Variants in VPS54 observed in about 807,000 individuals in gnomAD.
The protein encoded by VPS54 is VPS54 subunit of GARP complex.
In VPS54, 45 loss-of-function variants were observed where a neutral mutation model predicts 121.5. The observed-to-expected ratio is 0.37, with a 90% confidence interval of 0.29 to 0.47. The LOEUF (loss-of-function observed/expected upper bound fraction) is 0.47, where lower values mean the gene tolerates loss of function less well. Ranked by LOEUF, VPS54 falls within the 20% of genes least tolerant of loss-of-function variation. The pLI is 0.99. For synonymous variants in VPS54, 371 were observed against 385.8 expected, an observed-to-expected ratio of 0.96 and a Z score of 0.45; for missense variants, 1,090 against 1,131.4, an observed-to-expected ratio of 0.96 and a Z score of 0.52.
intron 2 of VPS54, among the ~76,000 whole-genome samples, chr2:63,982,312 G>C (rs1018614593): frequency 1.3e-5 from 2 of 151,834 alleles, no homozygotes; most frequent in Non-Finnish European, 2.9e-5. Flanking sequence ...GGATCTCCTA[G>C]ATAAAATATC....
chr2:63,913,796 G>C (rs1047056209), intron 17 of VPS54: 17 of 994,830 alleles, frequency 1.7e-5, no homozygotes, highest in Middle Eastern at 4.8e-4. Context: ...CAATGGTTCT[G>C]AAAGAATGAT....
At position 63,892,482 on chromosome 2, in the gene VPS54, T is replaced by C. The variant is rs1672261686; in HGVS notation, c.*948A>G. ...AAAAGTTCTGTTTCTCCCTGGTCTT[T>C]GTTCGTATACACATCGAAAGTAACT... On this transcript the variant is annotated 3_prime_UTR_variant, in exon 23 of 23. Transcript: ENST00000272322. 6.6e-6 allele frequency: 1 copy of C among 152,590 alleles called. No individual in the cohort carries two copies. Among genetic ancestry groups the C allele is most frequent in the African/African-American group, 2.4e-5 (1 of 41,440 alleles). The allele number at this position is 152,590 out of a possible 1,614,324, so 9.5% of individuals were successfully genotyped here.
At chr2:64,015,167 T>A (rs1678621665) in intron 1 of VPS54, among the ~76,000 whole-genome samples, 1 of 152,164 alleles carries the variant, frequency 6.6e-6, no homozygotes, top group Non-Finnish European at 1.5e-5. Flanking sequence ...GACTATATTC[T>A]ATTTACAATT....
At chr2:63,950,010 A>G (rs1675164918) in intron 7 of VPS54, among the ~76,000 whole-genome samples, 1 of 152,096 alleles carries the variant, frequency 6.6e-6, no homozygotes, top group South Asian at 2.1e-4. Context: ...TTGGTTTGAG[A>G]ACACTCATCT....
chr2:63,950,813 G>T (rs1022143293), intron 7 of VPS54, among the ~76,000 whole-genome samples: 7 of 151,722 alleles, frequency 4.6e-5, no homozygotes, highest in Admixed American at 2.6e-4. Context: ...GGGCACTTTT[G>T]TCTGCATTAA....
intron 1 of VPS54, among the ~76,000 whole-genome samples, chr2:64,008,122 G>A (rs1451514572): frequency 1.3e-5 from 2 of 151,956 alleles, no homozygotes; most frequent in Non-Finnish European, 2.9e-5. Context: ...AGATTAAAGA[G>A]GAACAAGAGG....
intron 1 of VPS54, among the ~76,000 whole-genome samples, chr2:64,003,675 G>T (rs1316753231): frequency 6.6e-6 from 1 of 151,860 alleles, no homozygotes; most frequent in South Asian, 2.1e-4. Flanking sequence ...TAACAGAATG[G>T]GTCTGGGCTA....
chr2:63,897,778 CTT>C (rs570684513), intron 21 of VPS54, among the ~76,000 whole-genome samples, 188 bp from the exon 22 acceptor site: 83 of 152,222 alleles, frequency 5.5e-4, no homozygotes, highest in African/African-American at 1.9e-3. Flanking sequence ...TTGGAAAAAC[CTT>C]TTTACCCTCC....
chr2:63,897,823 A>T (rs1672508403), intron 21 of VPS54, among the ~76,000 whole-genome samples: 1 of 152,204 alleles, frequency 6.6e-6, no homozygotes, highest in Non-Finnish European at 1.5e-5. Flanking sequence ...AAATTCCCGT[A>T]AGTGGGATCA....
intron 20 of VPS54, among the ~76,000 whole-genome samples, chr2:63,906,058 A>T (rs1197545435): frequency 6.6e-6 from 1 of 152,216 alleles, no homozygotes; most frequent in Non-Finnish European, 1.5e-5. Flanking sequence ...CTCTTAAAAA[A>T]AACCTACAGC....
chr2:63,898,307 T>C (rs1292164586), intron 21 of VPS54, among the ~76,000 whole-genome samples: 1 of 151,980 alleles, frequency 6.6e-6, no homozygotes, highest in Admixed American at 6.6e-5. Flanking sequence ...ATGTCAGAGG[T>C]GGAGGATCTT....
At chr2:63,955,582 A>G (rs1173919208) in intron 7 of VPS54, among the ~76,000 whole-genome samples, 1 of 152,042 alleles carries the variant, frequency 6.6e-6, no homozygotes, top group Admixed American at 6.5e-5. Context: ...ATTTTTATGT[A>G]TCCTTACAGT....
At chr2:63,954,045 C>T (rs569145056) in intron 7 of VPS54, among the ~76,000 whole-genome samples, 4 of 152,126 alleles carry the variant, frequency 2.6e-5, no homozygotes, top group Admixed American at 2.0e-4. Context: ...CTGTCCACTA[C>T]AAAAGCCTAG....
chr2:63,944,711 A>C, intron 9 of VPS54, 56 bp from the exon 10 acceptor site: 1 of 1,452,546 alleles, frequency 6.9e-7, no homozygotes, highest in South Asian at 1.2e-5. Flanking sequence ...TCAAATCCTA[A>C]GTATTCCATG....
chr2:63,946,823 CTT>C (rs918581376), intron 9 of VPS54, among the ~76,000 whole-genome samples: 4 of 151,892 alleles, frequency 2.6e-5, no homozygotes, highest in African/African-American at 9.7e-5. Flanking sequence ...ATTGGCAAAT[CTT>C]TTTAAATAGG....
intron 1 of VPS54, among the ~76,000 whole-genome samples, chr2:63,999,697 T>C (rs1387512654): frequency 6.6e-6 from 1 of 152,200 alleles, no homozygotes; most frequent in Non-Finnish European, 1.5e-5. Flanking sequence ...TCTCTTTCTC[T>C]ACCTCCTCTT....
intron 7 of VPS54, among the ~76,000 whole-genome samples, chr2:63,954,696 G>A (rs1675412288): frequency 6.6e-6 from 1 of 151,994 alleles, no homozygotes; most frequent in Non-Finnish European, 1.5e-5. Context: ...ACACACCACT[G>A]TCTATTAGGT....
At chr2:63,925,307 T>C (rs1673845954) in intron 12 of VPS54, among the ~76,000 whole-genome samples, 2 of 152,150 alleles carry the variant, frequency 1.3e-5, no homozygotes, top group African/African-American at 4.8e-5. Context: ...CTAACAATCA[T>C]CAGGGAAATA....
chr2:63,987,304 T>C (rs190789459), intron 1 of VPS54, among the ~76,000 whole-genome samples: 11 of 152,336 alleles, frequency 7.2e-5, no homozygotes, highest in Admixed American at 2.6e-4. Context: ...CAGCACAATT[T>C]ATTGAAGAGA....
Sources: allele counts gnomAD v4.1 joint callset (sites outside exome capture counted in the v4.1 genomes callset), GRCh38; gene constraint gnomAD v4.1.1; transcripts MANE v1.5; gene names NCBI Gene and HGNC (gene_info 2026-07-23, HGNC 2026-07-21).